Variants in MCF2L observed in about 807,000 individuals in gnomAD.
MCF2L encodes guanine nucleotide exchange factor DBS.
A neutral mutation model predicts 153.4 loss-of-function variants in MCF2L; 97 were observed. The observed-to-expected ratio is 0.63, with a 90% CI of 0.54 to 0.75. MCF2L has a LOEUF of 0.75. MCF2L is among the 30% of genes least tolerant of loss of function. MCF2L has a pLI of 0.00. For missense variants in MCF2L, 1,347 were observed against 1,495.2 expected (o/e 0.90, Z 1.64); for synonymous variants, 659 against 632.2 (o/e 1.04, Z -0.64).
intron 2 of MCF2L, among the ~76,000 whole-genome samples, chr13:112,922,295 G>A (rs2081360769): frequency 6.6e-6 from 1 of 152,186 alleles, no homozygotes; most frequent in South Asian, 2.1e-4. Context: ...GAAAGAGCAA[G>A]CCAGATTATT....
chr13:112,954,848 C>T (rs1192784426), intron 2 of MCF2L, among the ~76,000 whole-genome samples: 3 of 152,214 alleles, frequency 2.0e-5, no homozygotes, highest in Admixed American at 6.5e-5. Flanking sequence ...GCTACACCTT[C>T]CTGCTGTCAC....
At chr13:112,994,941 G>C (rs547679404) in intron 1 of MCF2L, among the ~76,000 whole-genome samples, 4 of 152,348 alleles carry the variant, frequency 2.6e-5, no homozygotes, top group African/African-American at 9.6e-5. Context: ...GGGGAACAAC[G>C]CCTGCGTCCG....
At position 113,064,801 on chromosome 13, in the gene MCF2L, G is replaced by A. The variant is rs187521260; in HGVS notation, c.607-135G>A. 1,248 of 929,966 alleles carry A rather than the reference G, an allele frequency of 1.3e-3. 9 individuals carry two copies. The African/African-American group carries it at 0.014, about 10-fold the overall frequency. The allele number at this position is 929,966 out of a possible 1,614,324, so 57.6% of individuals were successfully genotyped here. On this transcript the variant is annotated intron_variant, in intron 6 of 29. Coordinates refer to ENST00000535094, the MANE Select transcript of MCF2L (RefSeq NM_001112732.3). The surrounding 1 kb of genome is among the most constrained non-coding windows in gnomAD (Gnocchi z 6.0). ...GGAGGGCAGGACGCTATGGGAGGGC[G>A]TTCACCGTCTTTGCGTCAGCCGGTC... is the stretch of plus-strand genomic sequence containing the variant.
At chr13:113,052,208 G>C (rs1021918633) in intron 4 of MCF2L, among the ~76,000 whole-genome samples, 1 of 152,178 alleles carries the variant, frequency 6.6e-6, no homozygotes, top group African/African-American at 2.4e-5. Context: ...GTTAAATGTA[G>C]AAACATTTTT....
intron 12 of MCF2L, 23 bp downstream of exon 12, chr13:113,076,180 A>G: frequency 2.5e-6 from 4 of 1,593,296 alleles, no homozygotes; most frequent in East Asian, 2.3e-5. Flanking sequence ...CGGGCTCTCC[A>G]TTTGCAGCTT....
chr13:113,081,701 A>G (rs1045110837), intron 16 of MCF2L, among the ~76,000 whole-genome samples: 17 of 152,256 alleles, frequency 1.1e-4, no homozygotes, highest in African/African-American at 3.6e-4. Context: ...AGTGGTGGTC[A>G]CCTGAGTATA....
At chr13:113,080,100 T>C (rs1472524444) in intron 15 of MCF2L, among the ~76,000 whole-genome samples, 1 of 29,514 alleles carries the variant, frequency 3.4e-5, no homozygotes, top group African/African-American at 2.8e-4. Flanking sequence ...CAGAGGAGTG[T>C]CCATACCGAG....
At chr13:113,095,255 T>A (rs2035550258) in intron 27 of MCF2L, 1 of 1,196,312 alleles carries the variant, frequency 8.4e-7, no homozygotes, top group Non-Finnish European at 1.1e-6. Context: ...GCGTGGTCCA[T>A]GCCCCAAGGC....
In MCF2L at chr13:112,939,488, A is replaced by G. The variant is rs1466505956; in HGVS notation, c.169+37117A>G. On this transcript the variant is annotated intron_variant, in intron 2 of 29. Transcript: ENST00000375608. Reference sequence around the variant, plus strand: ...TGGTTATCAACCTCTGGTCTCTAATAAGAGAAATAAAAATCCAACCACAAA... The same window carrying G: ...TGGTTATCAACCTCTGGTCTCTAATGAGAGAAATAAAAATCCAACCACAAA... Among the ~76,000 whole-genome samples, 6 of 152,162 alleles carry G rather than the reference A, an allele frequency of 3.9e-5. No individual in the cohort carries two copies. In the East Asian group the frequency reaches 1.2e-3, roughly 29 times the overall value.
intron 25 of MCF2L, among the ~76,000 whole-genome samples, chr13:113,089,020 C>T (rs1269739689): frequency 6.6e-6 from 1 of 152,232 alleles, no homozygotes; most frequent in Non-Finnish European, 1.5e-5. Context: ...GTCTCTTCTG[C>T]CCTTGTTTTT....
At position 113,046,844 on chromosome 13, in the gene MCF2L, A is replaced by G. The variant is rs1442072665; in HGVS notation, c.369+1483A>G. The stretch of plus-strand genomic sequence containing the variant: ...CTTCAGGATGCTTCCAAAAAAGTAG[A>G]CGTGTATAGAATCGGTCTTCCTTTG... On this transcript the variant is annotated intron_variant, in intron 4 of 29. Coordinates refer to ENST00000535094, the MANE Select transcript of MCF2L (RefSeq NM_001112732.3). The surrounding 1 kb of genome is among the most constrained non-coding windows in gnomAD (Gnocchi z 4.4). 4.0e-5 allele frequency: 14 copies of G among 348,152 alleles called. No homozygotes were observed. The highest frequency in any genetic ancestry group is 6.8e-5 in the Non-Finnish European group (12 of 177,238). The allele number at this position is 348,152 out of a possible 1,614,324, so 21.6% of individuals were successfully genotyped here.
At position 113,060,658 on chromosome 13, in the gene MCF2L, T is replaced by A; in HGVS notation, c.435T>A (p.Thr145=). The A allele has an allele frequency of 6.2e-7, 1 of 1,613,714 alleles. No individual in the cohort carries two copies. The highest frequency in any genetic ancestry group is 8.5e-7 in the Non-Finnish European group (1 of 1,179,970). Residue 145 remains threonine (T), a synonymous_variant, in exon 5 of 30, where the codon ACT becomes ACA. Coordinates refer to ENST00000535094, the MANE Select transcript of MCF2L (RefSeq NM_001112732.3). ...GCCCGACGGGTTTTTTCCAAAGGAC[T>A]CTCTCCGACATCGCTTTCAAATTCA... ...VLRPTGFFQR[T]LSDIAFKFNR...
intron 8 of MCF2L, among the ~76,000 whole-genome samples, chr13:113,069,335 G>T (rs1243329272): frequency 1.4e-4 from 4 of 28,538 alleles, no homozygotes; most frequent in Non-Finnish European, 2.6e-4. Flanking sequence ...GGCAGAGGTC[G>T]CAGTGAGCCG....
At position 112,943,656 on chromosome 13, in the gene MCF2L, G is replaced by A. The variant is rs1000060691; in HGVS notation, c.169+41285G>A. Among the ~76,000 whole-genome samples, 2 of 152,132 alleles carry A rather than the reference G, an allele frequency of 1.3e-5. No homozygotes were observed. Among genetic ancestry groups the A allele is most frequent in the East Asian group, 1.9e-4 (1 of 5,162 alleles). ...GGACCTGCCGGCCAGTCCCTTACCCGGGGACAGACGGGGAAGGCGGGAGCG... is the reference window on the plus strand; with the variant it reads ...GGACCTGCCGGCCAGTCCCTTACCCAGGGACAGACGGGGAAGGCGGGAGCG... On this transcript the variant is annotated intron_variant, in intron 2 of 29. Transcript: ENST00000375608. This position sits in a 1 kb window ranked among gnomAD's most constrained non-coding sequence, Gnocchi z 4.2.
chr13:113,043,198 G>A (rs557003560), intron 3 of MCF2L: 8 of 152,326 alleles, frequency 5.3e-5, no homozygotes, highest in South Asian at 2.1e-4. Flanking sequence ...AGCCCCTCCC[G>A]CCCAACACAC....
At chr13:113,056,120 C>A (rs956890472) in intron 4 of MCF2L, among the ~76,000 whole-genome samples, 1 of 152,228 alleles carries the variant, frequency 6.6e-6, no homozygotes, top group East Asian at 1.9e-4. Flanking sequence ...CAGTGTCCAC[C>A]CAGTGACAGG....
At chr13:112,924,179 A>G (rs745647167) in intron 2 of MCF2L, among the ~76,000 whole-genome samples, 1 of 152,094 alleles carries the variant, frequency 6.6e-6, no homozygotes, top group Non-Finnish European at 1.5e-5. Context: ...AAATGCTGGA[A>G]GCTCTCCCAC....
rs758359071 is a variant in MCF2L, at chr13:113,074,549, G to C, written c.1102G>C (p.Glu368Gln). The change falls in exon 10 of 30, where the codon GAG (glutamate) becomes CAG (glutamine). Residue 368 changes from glutamate to glutamine, a missense_variant. Around this residue, in one of 3 missense-constraint regions of MCF2L, gnomAD observed 820 missense variants for 921.2 expected, o/e 0.89. Coordinates refer to ENST00000535094, the MANE Select transcript of MCF2L (RefSeq NM_001112732.3). This position sits in a 1 kb window ranked among gnomAD's most constrained non-coding sequence, Gnocchi z 4.2. ...EHLLRDLASF[E>Q]EKSGVAVERA... is the part of the protein sequence containing the mutation. ...CCTGCTGAGGGACCTGGCCAGCTTC[G>C]AGGAGAAATCAGGCGTAAGGCGGGG... 1.5e-5 allele frequency: 25 copies of C among 1,613,796 alleles called. No homozygotes were observed. The East Asian group carries it at 5.6e-4, about 36-fold the overall frequency.
At position 113,088,466 on chromosome 13, in the gene MCF2L, T is replaced by C. The variant is rs377753801; in HGVS notation, c.2767+61T>C. On this transcript the variant is annotated intron_variant, in intron 24 of 29. Transcript: ENST00000535094. The stretch of plus-strand genomic sequence containing the variant: ...TCCGCTCCAGGTGCATTTTTACCTA[T>C]GTTCAGAGCAACCGCACAGTCCCCC... 9.5e-5 allele frequency: 153 copies of C among 1,607,680 alleles called. No homozygotes were observed. In the African/African-American group the frequency reaches 1.8e-3, roughly 19 times the overall value.
Sources: allele counts gnomAD v4.1 joint callset (sites outside exome capture counted in the v4.1 genomes callset), GRCh38; gene constraint gnomAD v4.1.1; regional missense constraint gnomAD v4.1.1; non-coding constraint Gnocchi (gnomAD v3.1); transcripts MANE v1.5; gene names NCBI Gene and HGNC (gene_info 2026-07-23, HGNC 2026-07-21).